Variants in MITF observed in about 807,000 individuals in gnomAD.
MITF encodes the protein melanocyte inducing transcription factor.
In MITF, 17 loss-of-function variants were observed where a neutral mutation model predicts 60.5. The observed-to-expected ratio is 0.28, with a 90% CI of 0.19 to 0.42. The LOEUF (loss-of-function observed/expected upper bound fraction) is 0.42. Ranked by LOEUF, MITF falls within the 10% of genes least tolerant of loss-of-function variation. The pLI, the probability that MITF is intolerant of heterozygous loss-of-function variation, is 1.00. For missense variants in MITF, 622 were observed against 683.5 expected, an observed-to-expected ratio of 0.91 and a Z score of 1.00; for synonymous variants, 260 against 248.5, an observed-to-expected ratio of 1.05 and a Z score of -0.43.
Position 69,739,553 on chromosome 3 carries a change from C to G in MITF, c.-45C>G, listed in dbSNP as rs1174630522. 2 of 1,513,738 alleles carry G rather than the reference C, an allele frequency of 1.3e-6. No individual in the cohort carries two copies. Among genetic ancestry groups the G allele is most frequent in the South Asian group, 2.4e-5 (2 of 83,350 alleles). The allele number at this position is 1,513,738 out of a possible 1,614,324, so 93.8% of individuals were successfully genotyped here. A position where few individuals can be genotyped will look rare whatever the true frequency, so the allele number is the denominator to read the frequency against. On this transcript the variant is annotated 5_prime_UTR_variant, in exon 1 of 10. Coordinates refer to ENST00000352241, the MANE Select transcript of MITF (RefSeq NM_001354604.2). ...CAGCTACCTTCCCTCCGCCCCCGGGCTCTGTTCTCACTTTCCAGCAGTGGA... is the reference window on the plus strand; with the variant it reads ...CAGCTACCTTCCCTCCGCCCCCGGGGTCTGTTCTCACTTTCCAGCAGTGGA...
chr3:69,751,401 G>A (rs1256740783), intron 1 of MITF, among the ~76,000 whole-genome samples: 1 of 152,068 alleles, frequency 6.6e-6, no homozygotes, highest in Non-Finnish European at 1.5e-5. Flanking sequence ...TCACCAAGCT[G>A]TTCACTTCTC....
intron 1 of MITF, among the ~76,000 whole-genome samples, chr3:69,758,117 GCA>G (rs111261020): frequency 0.011 from 1,288 of 119,992 alleles, 12 homozygotes; most frequent in Admixed American, 0.04. Flanking sequence ...TATATCATAT[GCA>G]CACACACACA....
intron 1 of MITF, among the ~76,000 whole-genome samples, chr3:69,869,562 C>A (rs1475951972): frequency 6.6e-6 from 1 of 152,186 alleles, no homozygotes. Context: ...AGGACACTTT[C>A]CTCCATGTCT....
At position 69,739,692 on chromosome 3, in the gene MITF, T is replaced by C. The variant is rs769488240; in HGVS notation, c.95T>C (p.Leu32Pro). 6.4e-7 allele frequency: 1 copy of C among 1,569,572 alleles called. No individual in the cohort carries two copies. The highest frequency in any genetic ancestry group is 1.2e-5 in the South Asian group (1 of 85,564). ...KTYYELKSQP[L>P]KSSSSAEHPG... ...TATTACGAACTCAAAAGTCAACCGC[T>C]GAAGAGCAGGTGAGTGGTGACAGCT... The change falls in exon 1 of 10, where the codon CTG becomes CCG. Residue 32 changes from leucine (L) to proline (P), a missense_variant. Around this residue, in one of 5 missense-constraint regions of MITF, gnomAD observed 149 missense variants for 157.8 expected, o/e 0.94. Transcript: ENST00000352241.
intron 2 of MITF, among the ~76,000 whole-genome samples, chr3:69,912,093 A>T (rs2065236855): frequency 6.6e-6 from 1 of 152,224 alleles, no homozygotes; most frequent in Non-Finnish European, 1.5e-5. Flanking sequence ...TTTTTCATGG[A>T]TAGATCTCAG....
At chr3:69,954,924 T>G (rs930325809) in intron 7 of MITF, among the ~76,000 whole-genome samples, 7 of 152,228 alleles carry the variant, frequency 4.6e-5, no homozygotes, top group African/African-American at 1.4e-4. Flanking sequence ...TATATTCTGG[T>G]ATTTAGAGTA....
intron 2 of MITF, among the ~76,000 whole-genome samples, chr3:69,930,732 A>G (rs112846617): frequency 6.6e-6 from 1 of 152,390 alleles, no homozygotes; most frequent in African/African-American, 2.4e-5. Flanking sequence ...CTGGGTCAGC[A>G]TCCCCTGGCA....
chr3:69,818,216 A>T (rs1559649412), intron 1 of MITF, among the ~76,000 whole-genome samples: 1 of 152,210 alleles, frequency 6.6e-6, no homozygotes, highest in East Asian at 1.9e-4. Context: ...ATGCAACTTA[A>T]GGGGACCTAG....
At position 69,776,571 on chromosome 3, in the gene MITF, G is replaced by C. The variant is rs114227713; in HGVS notation, c.104+36870G>C. Among the ~76,000 whole-genome samples the C allele has an allele frequency of 7.6e-3, 1,155 of 152,318 alleles. 11 individuals are homozygous for C. The highest frequency in any genetic ancestry group is 0.026 in the African/African-American group (1,101 of 41,572). On this transcript the variant is annotated intron_variant, in intron 1 of 9. Coordinates refer to ENST00000352241, the MANE Select transcript of MITF (RefSeq NM_001354604.2). ...GTGTTGATAACAACTTGTGGTTCAT[G>C]GTAAGTGCTATATATACGTTTGTTG...
intron 1 of MITF, among the ~76,000 whole-genome samples, chr3:69,845,180 G>C (rs2063708258): frequency 6.6e-6 from 1 of 151,658 alleles, no homozygotes; most frequent in South Asian, 2.1e-4. Context: ...TTCCATCATT[G>C]GTTCATCTTG....
chr3:69,963,028 A>G (rs1269746429), intron 9 of MITF, among the ~76,000 whole-genome samples: 2 of 152,022 alleles, frequency 1.3e-5, no homozygotes, highest in Non-Finnish European at 2.9e-5. Flanking sequence ...GTCTGTCCCA[A>G]TCTCCTCTTC....
intron 1 of MITF, among the ~76,000 whole-genome samples, chr3:69,785,179 A>G (rs1258848858): frequency 6.6e-6 from 1 of 152,054 alleles, no homozygotes; most frequent in Non-Finnish European, 1.5e-5. Context: ...TCCTGCGGGC[A>G]CTTGAACATT....
At chr3:69,886,403 A>G (rs1016887228) in intron 2 of MITF, among the ~76,000 whole-genome samples, 4 of 152,084 alleles carry the variant, frequency 2.6e-5, no homozygotes, top group Non-Finnish European at 5.9e-5. Flanking sequence ...TTAGGAAACA[A>G]GTAGGATAAG....
intron 4 of MITF, 105 bp downstream of exon 4, chr3:69,939,286 GTT>G (rs373274886): frequency 1.2e-3 from 894 of 751,878 alleles, no homozygotes; most frequent in Non-Finnish European, 1.4e-3. Flanking sequence ...TTCCCCCATT[GTT>G]TTTTTTTTTT....
chr3:69,799,801 G>A (rs2062888028), intron 1 of MITF, among the ~76,000 whole-genome samples: 1 of 152,080 alleles, frequency 6.6e-6, no homozygotes, highest in East Asian at 1.9e-4. Flanking sequence ...TGTTGTTCGT[G>A]TCACTGAAGA....
At chr3:69,827,459 A>C (rs1431819711) in intron 1 of MITF, among the ~76,000 whole-genome samples, 1 of 152,224 alleles carries the variant, frequency 6.6e-6, no homozygotes, top group Non-Finnish European at 1.5e-5. Context: ...TTTGTCTTGA[A>C]TAGGAGAAAA....
At chr3:69,938,144 C>T in intron 3 of MITF, 95 bp downstream of exon 3, 3 of 1,374,104 alleles carry the variant, frequency 2.2e-6, no homozygotes, top group Non-Finnish European at 3.1e-6. Context: ...TCTAGTTTGT[C>T]CTTGTGGCCA....
At chr3:69,802,996 C>T (rs930894201) in intron 1 of MITF, among the ~76,000 whole-genome samples, 5 of 152,022 alleles carry the variant, frequency 3.3e-5, no homozygotes, top group African/African-American at 9.7e-5. Flanking sequence ...AGGCTGGTCT[C>T]GAACTCCCGA....
At chr3:69,945,487 G>A (rs1017762125) in intron 5 of MITF, among the ~76,000 whole-genome samples, 3 of 152,162 alleles carry the variant, frequency 2.0e-5, no homozygotes, top group Non-Finnish European at 4.4e-5. Flanking sequence ...TAATTATGAT[G>A]TTAACTGTAT....
Sources: gnomAD v4.1 joint callset for allele counts (sites outside exome capture counted in the v4.1 genomes callset) on GRCh38, gnomAD v4.1.1 for gene constraint, gnomAD v4.1.1 regional missense constraint, MANE v1.5 for transcripts, NCBI Gene and HGNC (gene_info 2026-07-23, HGNC 2026-07-21) for gene names.